The following BMP5 variants were observed in gnomAD, a reference collection of about 807,000 sequenced individuals.
BMP5 encodes bone morphogenetic protein 5.
In BMP5, 23 loss-of-function variants were observed where a neutral mutation model predicts 46.6. The observed-to-expected ratio is 0.49, with a 90% CI of 0.35 to 0.70. BMP5 has a LOEUF of 0.70. Ranked by LOEUF, BMP5 falls within the 30% of genes least tolerant of loss-of-function variation. The pLI is 0.00. For missense variants in BMP5, 545 were observed against 565.6 expected, an observed-to-expected ratio of 0.96 and a Z score of 0.37; for synonymous variants, 204 against 191.9, an observed-to-expected ratio of 1.06 and a Z score of -0.52.
At chr6:55,801,250 G>A (rs1232109340) in intron 2 of BMP5, among the ~76,000 whole-genome samples, 1 of 152,194 alleles carries the variant, frequency 6.6e-6, no homozygotes, top group African/African-American at 2.4e-5. Context: ...CTACCTTGTG[G>A]TCAAGTGTTA....
chr6:55,774,780 TTCTTC>T, intron 3 of BMP5, among the ~76,000 whole-genome samples: 1 of 151,968 alleles, frequency 6.6e-6, no homozygotes, highest in Non-Finnish European at 1.5e-5. Flanking sequence ...ACACTTAAAG[TTCTTC>T]ACAAGTCATT....
intron 3 of BMP5, among the ~76,000 whole-genome samples, chr6:55,781,351 T>G (rs1775312928): frequency 6.6e-6 from 1 of 152,114 alleles, no homozygotes; most frequent in Non-Finnish European, 1.5e-5. Flanking sequence ...CCTGGGGGAT[T>G]TTAGTAAAAC....
intron 1 of BMP5, among the ~76,000 whole-genome samples, chr6:55,858,412 A>G (rs1316167438): frequency 6.6e-6 from 1 of 152,220 alleles, no homozygotes; most frequent in Non-Finnish European, 1.5e-5. Context: ...CAACAGAAAA[A>G]AAAGTAAATA....
At chr6:55,874,266 A>G in intron 1 of BMP5, 110 bp downstream of exon 1, 1 of 1,396,350 alleles carries the variant, frequency 7.2e-7, no homozygotes, top group Non-Finnish European at 1.0e-6. Context: ...CAGGAGAGTT[A>G]GAGAAAATGT....
intron 3 of BMP5, among the ~76,000 whole-genome samples, chr6:55,792,990 C>T (rs191866770): frequency 3.3e-5 from 5 of 152,146 alleles, no homozygotes; most frequent in Admixed American, 2.0e-4. Context: ...AATAACAGCA[C>T]AATGTAGATC....
Position 55,784,490 on chromosome 6 carries a change from A to G in BMP5, c.832+9789T>C, listed in dbSNP as rs989513801. Among the ~76,000 whole-genome samples, 7 of 151,930 alleles carry G rather than the reference A, an allele frequency of 4.6e-5. 1 individual carries two copies. The South Asian group carries it at 1.5e-3, about 32-fold the overall frequency. ...AGAATCATCATACAAGACTAAATTA[A>G]GAAGAGGGGGTTTGTTATCAAGTTC... On this transcript the variant is annotated intron_variant, in intron 3 of 6. Transcript: ENST00000370830.
intron 3 of BMP5, among the ~76,000 whole-genome samples, chr6:55,789,828 T>C (rs906956772): frequency 2.5e-4 from 38 of 152,266 alleles, no homozygotes; most frequent in African/African-American, 8.4e-4. Context: ...ATGTTTGTAT[T>C]ATTTTGCTGA....
chr6:55,846,378 G>GTTCAGGATGGTTCTCACTTACA (rs1382222669), intron 1 of BMP5, among the ~76,000 whole-genome samples: 2 of 151,994 alleles, frequency 1.3e-5, no homozygotes, highest in African/African-American at 4.8e-5. Context: ...CATGGTAGTT[G>GTTCAGGATGGTTCTCACTTACA]TTCAGGATGG....
chr6:55,819,879 A>G lies in BMP5; in HGVS notation c.491-32T>C, dbSNP rs747684922. The G allele has an allele frequency of 3.2e-6, 5 of 1,545,318 alleles. No individual in the cohort carries two copies. The African/African-American group carries it at 5.5e-5, about 17-fold the overall frequency. Reference sequence around the variant, plus strand: ...AAATAAAGGGGGTTGAGGGGGAAAAAAGTTAGTCTTTTATAAAATATGGAA... The same window carrying G: ...AAATAAAGGGGGTTGAGGGGGAAAAGAGTTAGTCTTTTATAAAATATGGAA... On this transcript the variant is annotated intron_variant, in intron 1 of 6. Coordinates refer to ENST00000370830, the MANE Select transcript of BMP5 (RefSeq NM_021073.4).
intron 2 of BMP5, among the ~76,000 whole-genome samples, chr6:55,808,185 T>C (rs1776038036): frequency 1.3e-5 from 2 of 152,130 alleles, no homozygotes; most frequent in South Asian, 4.1e-4. Context: ...GTTGGAGTTT[T>C]AGAAGCTCCT....
Position 55,866,481 on chromosome 6 carries a change from T to G in BMP5, c.490+7895A>C, listed in dbSNP as rs376966496. On this transcript the variant is annotated intron_variant, in intron 1 of 6. Coordinates refer to ENST00000370830, the MANE Select transcript of BMP5 (RefSeq NM_021073.4). ...GAATGCTGCATGTGAGAATATCATA[T>G]GATTCCACTCAGAATTCAAAAAAGC... is the stretch of plus-strand genomic sequence containing the variant. Among the ~76,000 whole-genome samples, 64 of 152,320 alleles carry G rather than the reference T, an allele frequency of 4.2e-4. No individual in the cohort carries two copies. In the South Asian group the frequency reaches 0.013, roughly 31 times the overall value.
intron 1 of BMP5, among the ~76,000 whole-genome samples, chr6:55,840,110 G>T (rs10948957): frequency 6.6e-6 from 1 of 151,822 alleles, no homozygotes; most frequent in Non-Finnish European, 1.5e-5. Context: ...TCTTAAACAC[G>T]TTTTGTTAAA....
intron 2 of BMP5, among the ~76,000 whole-genome samples, chr6:55,811,480 G>A (rs142453498): frequency 6.6e-6 from 1 of 152,264 alleles, no homozygotes; most frequent in East Asian, 1.9e-4. Context: ...CATGGTGAGT[G>A]TCCATTAAAT....
intron 1 of BMP5, among the ~76,000 whole-genome samples, chr6:55,837,134 C>A (rs1776817190): frequency 6.6e-6 from 1 of 151,744 alleles, no homozygotes; most frequent in African/African-American, 2.4e-5. Context: ...TCACTGCAAC[C>A]TCTGCCTCCT....
intron 1 of BMP5, among the ~76,000 whole-genome samples, chr6:55,821,881 C>T (rs1776417919): frequency 6.6e-6 from 1 of 152,136 alleles, no homozygotes; most frequent in African/African-American, 2.4e-5. Context: ...CTAGCCACAA[C>T]TTTTGCTTTC....
At position 55,819,749 on chromosome 6, in the gene BMP5, C is replaced by T; in HGVS notation, c.589G>A (p.Glu197Lys). Residue 197 changes from glutamate to lysine, a missense_variant, in exon 2 of 7, where the codon GAA becomes AAA. Physicochemically the swap from Glu to Lys is moderately conservative, Grantham distance 56. Transcript: ENST00000370830. ...IPHGEAVTAA[E>K]FRIYKDRSNN... is the part of the protein sequence containing the mutation. The stretch of plus-strand genomic sequence containing the variant: ...CTCCGGTCCTTGTATATCCGGAATT[C>T]AGCTGCTGTCACTGCCTCTCCATGA... The T allele has an allele frequency of 6.2e-7, 1 of 1,613,704 alleles. No individual in the cohort carries two copies. The highest frequency in any genetic ancestry group is 8.5e-7 in the Non-Finnish European group (1 of 1,179,770).
intron 5 of BMP5, 131 bp downstream of exon 5, chr6:55,760,326 A>G (rs1435467598): frequency 2.6e-6 from 2 of 778,828 alleles, no homozygotes; most frequent in African/African-American, 3.5e-5. Context: ...AAAGTGAATA[A>G]GCCATATTCT....
Position 55,862,288 on chromosome 6 carries a change from G to T in BMP5, c.490+12088C>A, listed in dbSNP as rs528281152. On this transcript the variant is annotated intron_variant, in intron 1 of 6. Transcript: ENST00000370830. ...GTAAGGAAGTCATAGAATATTGGTCGATTTTTCTCGACAATCAACTTAAAG... is the reference window on the plus strand; with the variant it reads ...GTAAGGAAGTCATAGAATATTGGTCTATTTTTCTCGACAATCAACTTAAAG... Among the ~76,000 whole-genome samples, 6 of 152,108 alleles carry T rather than the reference G, an allele frequency of 3.9e-5. No homozygotes were observed. The South Asian group carries it at 8.3e-4, about 21-fold the overall frequency.
chr6:55,855,545 T>C (rs1261947395), intron 1 of BMP5, among the ~76,000 whole-genome samples: 1 of 152,202 alleles, frequency 6.6e-6, no homozygotes, highest in East Asian at 1.9e-4. Flanking sequence ...GTTTGTTGAT[T>C]ACTTGGTCTT....
Sources: allele counts gnomAD v4.1 joint callset (sites outside exome capture counted in the v4.1 genomes callset), GRCh38; gene constraint gnomAD v4.1.1; transcripts MANE v1.5; gene names NCBI Gene and HGNC (gene_info 2026-07-23, HGNC 2026-07-21).